The following UBA3 variants were observed in gnomAD, a reference collection of about 807,000 sequenced individuals.
UBA3 encodes ubiquitin like modifier activating enzyme 3.
In UBA3, 26 loss-of-function variants were observed where a neutral mutation model predicts 73.5. The ratio of observed to expected loss-of-function variants is 0.35; its 90% CI spans 0.26 to 0.49. UBA3 has a LOEUF of 0.49. UBA3 is among the 20% of genes least tolerant of loss of function. The pLI, the probability that UBA3 is intolerant of heterozygous loss-of-function variation, is 0.98. For missense variants in UBA3, 495 were observed against 555.6 expected (o/e 0.89, Z 1.10); for synonymous variants, 217 against 191.2 (o/e 1.13, Z -1.11).
At chr3:69,063,548 T>C (rs2092041507) in intron 7 of UBA3, 45 bp from the exon 8 acceptor site, 1 of 1,450,844 alleles carries the variant, frequency 6.9e-7, no homozygotes, top group Non-Finnish European at 9.3e-7. Context: ...AATATGTAGT[T>C]GCATGATGAT....
chr3:69,063,217 T>C (rs1468950435), intron 8 of UBA3, 80 bp from the exon 9 acceptor site: 1 of 1,551,922 alleles, frequency 6.4e-7, no homozygotes, highest in Non-Finnish European at 8.8e-7. Context: ...AGTAATCCTA[T>C]GAGTCGGTTG....
intron 12 of UBA3, 112 bp downstream of exon 12, chr3:69,057,140 CTTAG>C: frequency 9.1e-7 from 1 of 1,097,730 alleles, no homozygotes; most frequent in Non-Finnish European, 1.4e-6. Context: ...TTTTCGACAG[CTTAG>C]TTACACAACC....
chr3:69,064,161 G>A (rs1486411067), intron 6 of UBA3, 50 bp from the exon 7 acceptor site: 5 of 1,466,122 alleles, frequency 3.4e-6, no homozygotes, highest in South Asian at 2.5e-5. Context: ...TTTCTAAAAT[G>A]AATTTGACAA....
At chr3:69,077,659 C>T in intron 3 of UBA3, 139 bp downstream of exon 3, 10 of 897,714 alleles carry the variant, frequency 1.1e-5, no homozygotes, top group Non-Finnish European at 1.6e-5. Context: ...TATTCAATCT[C>T]ATATTTTAAG....
chr3:69,062,911 T>C, intron 9 of UBA3, 71 bp downstream of exon 9: 9 of 1,553,044 alleles, frequency 5.8e-6, no homozygotes, highest in Non-Finnish European at 7.9e-6. Flanking sequence ...AAATATTAAC[T>C]AGACTTAATA....
chr3:69,078,014 C>T (rs2092183064), intron 2 of UBA3, 96 bp from the exon 3 acceptor site: 1 of 1,411,854 alleles, frequency 7.1e-7, no homozygotes. Flanking sequence ...GGTAACCACA[C>T]CAGACCTGCT....
At chr3:69,057,195 G>T in intron 12 of UBA3, 61 bp downstream of exon 12, 1 of 1,527,092 alleles carries the variant, frequency 6.5e-7, no homozygotes, top group South Asian at 1.2e-5. Context: ...CAAAAAAGCT[G>T]CAGCAACGTC....
intron 11 of UBA3, 26 bp from the exon 12 acceptor site, chr3:69,057,335 T>C (rs1435020758): frequency 6.3e-7 from 1 of 1,586,334 alleles, no homozygotes; most frequent in Non-Finnish European, 8.6e-7. Flanking sequence ...AATTAAAATA[T>C]GGTCATTTCT....
intron 14 of UBA3, 125 bp downstream of exon 14, chr3:69,056,487 A>C: frequency 1.1e-6 from 1 of 894,104 alleles, no homozygotes; most frequent in East Asian, 2.6e-5. Flanking sequence ...ATAAAGCAAA[A>C]GATATATAAT....
At chr3:69,064,005 A>G (rs1297996718) in intron 7 of UBA3, 63 bp downstream of exon 7, 1 of 1,383,988 alleles carries the variant, frequency 7.2e-7, no homozygotes, top group Non-Finnish European at 1.0e-6. Flanking sequence ...GCAATATTTG[A>G]ATAGCTACCA....
intron 2 of UBA3, 145 bp from the exon 3 acceptor site, chr3:69,078,063 G>A: frequency 8.8e-7 from 1 of 1,133,672 alleles, no homozygotes; most frequent in Non-Finnish European, 1.2e-6. Flanking sequence ...TTATGTTTAT[G>A]CTTTGAAATT....
chr3:69,059,505 G>C (rs2092004606), intron 11 of UBA3, among the ~76,000 whole-genome samples: 1 of 152,132 alleles, frequency 6.6e-6, no homozygotes, highest in African/African-American at 2.4e-5. Flanking sequence ...AGGAAAACTG[G>C]TTAAGCAGAC....
At chr3:69,074,779 T>C (rs562681143) in intron 4 of UBA3, among the ~76,000 whole-genome samples, 2 of 152,354 alleles carry the variant, frequency 1.3e-5, no homozygotes, top group Admixed American at 1.3e-4. Flanking sequence ...TTAAATCAAA[T>C]TATATACTTA....
rs931849097 is a variant in UBA3, at chr3:69,067,850, T to G, written c.428+78A>C. On this transcript the variant is annotated intron_variant, in intron 6 of 17. Transcript: ENST00000361055. The stretch of plus-strand genomic sequence containing the variant: ...TTTTTTTCCCTCTTGCTTATCTGTA[T>G]TCTCTGTTAAATATCTCTTATAATA... 23 of 1,096,334 alleles carry G rather than the reference T, an allele frequency of 2.1e-5. No homozygotes were observed. In the African/African-American group the frequency reaches 3.4e-4, roughly 16 times the overall value. The allele number at this position is 1,096,334 out of a possible 1,614,324, so 67.9% of individuals were successfully genotyped here. A position where few individuals can be genotyped will look rare whatever the true frequency, so the allele number is the denominator to read the frequency against.
At chr3:69,075,714 T>C (rs1314344027) in intron 3 of UBA3, among the ~76,000 whole-genome samples, 1 of 151,604 alleles carries the variant, frequency 6.6e-6, no homozygotes, top group Non-Finnish European at 1.5e-5. Flanking sequence ...TTCAGGAAGT[T>C]TCAATGTTAA....
intron 6 of UBA3, among the ~76,000 whole-genome samples, chr3:69,065,237 C>T (rs1390603994): frequency 1.3e-5 from 2 of 151,422 alleles, no homozygotes; most frequent in African/African-American, 4.9e-5. Context: ...CACTAACCAA[C>T]CCACCCCCAC....
chr3:69,061,459 T>A (rs576662033), intron 11 of UBA3: 2 of 163,610 alleles, frequency 1.2e-5, no homozygotes, highest in African/African-American at 4.8e-5. Context: ...CCTCCCGAAG[T>A]GCTAGGATTG....
In UBA3 at chr3:69,061,948, A is replaced by G. The variant is rs1482538344; in HGVS notation, c.797-21T>C. ...CCCTTCTGTTTAAAAAAAAAAAGGG[A>G]GAGAGAGAGAGAGAGAAGACAGGAA... On this transcript the variant is annotated intron_variant, in intron 10 of 17. Coordinates refer to ENST00000361055, the MANE Select transcript of UBA3 (RefSeq NM_003968.4). 7 of 1,093,384 alleles carry G rather than the reference A, an allele frequency of 6.4e-6. No individual in the cohort carries two copies. The Admixed American group carries it at 1.0e-4, about 16-fold the overall frequency. The allele number at this position is 1,093,384 out of a possible 1,614,324, so 67.7% of individuals were successfully genotyped here.
chr3:69,062,708 C>T (rs1342088800), intron 9 of UBA3, among the ~76,000 whole-genome samples: 3 of 152,178 alleles, frequency 2.0e-5, no homozygotes, highest in African/African-American at 7.2e-5. Context: ...TACAGCTTGA[C>T]ATCAATATAC....
Sources: allele counts gnomAD v4.1 joint callset (sites outside exome capture counted in the v4.1 genomes callset), GRCh38; gene constraint gnomAD v4.1.1; transcripts MANE v1.5; gene names NCBI Gene and HGNC (gene_info 2026-07-23, HGNC 2026-07-21).